PTPN23: variants seen among roughly 807,000 people sequenced by gnomAD.
The protein encoded by PTPN23 is tyrosine-protein phosphatase non-receptor type 23.
In PTPN23, 72 loss-of-function variants were observed where a neutral mutation model predicts 156.3. The observed-to-expected ratio is 0.46, with a 90% CI of 0.38 to 0.56. The LOEUF is 0.56. Ranked by LOEUF, PTPN23 falls within the 20% of genes least tolerant of loss-of-function variation. The pLI is 0.00. For missense variants in PTPN23, 1,974 were observed against 2,171.5 expected, an observed-to-expected ratio of 0.91 and a Z score of 1.81; for synonymous variants, 957 against 899.6, an observed-to-expected ratio of 1.06 and a Z score of -1.14.
chr3:47,398,627 A>G (rs1425250857), intron 2 of PTPN23, among the ~76,000 whole-genome samples: 1 of 150,294 alleles, frequency 6.7e-6, no homozygotes, highest in Non-Finnish European at 1.5e-5. Context: ...GTGCAGTGGC[A>G]CAATCACGGC....
chr3:47,412,630 G>A lies in PTPN23; in HGVS notation c.4431+3G>A. ...CCAGTGCAAGCATCAGCCAGAAGGT[G>A]AGGAAGGTTCCGTGGAAGCTGCTGG... On this transcript the variant is annotated splice_donor_region_variant and intron_variant, in intron 24 of 24. Coordinates refer to ENST00000265562, the MANE Select transcript of PTPN23 (RefSeq NM_015466.4). The A allele has an allele frequency of 6.2e-7, 1 of 1,612,420 alleles. No individual in the cohort carries two copies. The highest frequency in any genetic ancestry group is 1.1e-5 in the South Asian group (1 of 90,974).
intron 3 of PTPN23, 101 bp from the exon 4 acceptor site, chr3:47,404,904 G>A (rs1304220375): frequency 6.3e-7 from 1 of 1,584,470 alleles, no homozygotes; most frequent in African/African-American, 1.3e-5. Context: ...GTCCCCCCAG[G>A]CCTCCCCACA....
chr3:47,394,660 A>G (rs1236634406), intron 1 of PTPN23, among the ~76,000 whole-genome samples: 1 of 152,206 alleles, frequency 6.6e-6, no homozygotes, highest in African/African-American at 2.4e-5. Context: ...GTGCAGGGTC[A>G]TAAACTCTGT....
chr3:47,399,214 G>A (rs536476752), intron 2 of PTPN23, among the ~76,000 whole-genome samples: 1 of 152,202 alleles, frequency 6.6e-6, no homozygotes, highest in Non-Finnish European at 1.5e-5. Flanking sequence ...GCTCCCACAA[G>A]CTGCTCCTGG....
chr3:47,398,072 G>A (rs984376799), intron 2 of PTPN23, among the ~76,000 whole-genome samples: 1 of 151,070 alleles, frequency 6.6e-6, no homozygotes, highest in Non-Finnish European at 1.5e-5. Context: ...GAGGCAGGTG[G>A]ATCACTTGAA....
intron 1 of PTPN23, among the ~76,000 whole-genome samples, chr3:47,390,651 CTCTT>C (rs749865179): frequency 3.3e-5 from 5 of 152,176 alleles, no homozygotes; most frequent in South Asian, 4.1e-4. Context: ...TTCACCCAGC[CTCTT>C]TCTTCTTTTT....
rs752253301 is a variant in PTPN23 at position 47,406,590 on chromosome 3, A to G, written c.737A>G (p.Tyr246Cys). 4 of 1,613,880 alleles carry G rather than the reference A, an allele frequency of 2.5e-6. No homozygotes were observed. The highest frequency in any genetic ancestry group is 1.7e-5 in the Admixed American group (1 of 60,030). The change falls in exon 8 of 25, where the codon TAC becomes TGC. Residue 246 changes from tyrosine to cysteine, a missense_variant. Physicochemically the swap from Tyr to Cys is radical, Grantham distance 194 (BLOSUM62 -2). Transcript: ENST00000265562. The surrounding 1 kb of genome is among the most constrained non-coding windows in gnomAD (Gnocchi z 5.8). ...AAGAAACTTGTGCAGATGAAGATCT[A>G]CTACTTCGCAGCCGTGGCTCATGTG... ...DWKKLVQMKI[Y>C]YFAAVAHLHM...
Position 47,405,586 on chromosome 3 carries a change from C to A in PTPN23, c.365-163C>A, listed in dbSNP as rs2107714074. 1.4e-6 allele frequency: 1 copy of A among 701,826 alleles called. No homozygotes were observed. Among genetic ancestry groups the A allele is most frequent in the African/African-American group, 1.8e-5 (1 of 56,092 alleles). The allele number at this position is 701,826 out of a possible 1,614,324, so 43.5% of individuals were successfully genotyped here. On this transcript the variant is annotated intron_variant, in intron 4 of 24. Coordinates refer to ENST00000265562, the MANE Select transcript of PTPN23 (RefSeq NM_015466.4). The surrounding 1 kb of genome is among the most constrained non-coding windows in gnomAD (Gnocchi z 4.7). ...GGAGACTGAGGGCTGGGCAGGACTTCTGAGTTTCCCTGTTCCCTCCAGCTT... is the reference window on the plus strand; with the variant it reads ...GGAGACTGAGGGCTGGGCAGGACTTATGAGTTTCCCTGTTCCCTCCAGCTT...
At position 47,406,631 on chromosome 3, in the gene PTPN23, AGGGCG is replaced by A; in HGVS notation, c.759+24_759+28del. ...GGCTCATGTGAGGGCCTGGGGCCCC[AGGGCG>A]GGGCAGGGCGGGGCTGAGTGGCCAC... is the stretch of plus-strand genomic sequence containing the variant. On this transcript the variant is annotated intron_variant, in intron 8 of 24. Transcript: ENST00000265562. This position sits in a 1 kb window ranked among gnomAD's most constrained non-coding sequence, Gnocchi z 5.8. The A allele has an allele frequency of 6.2e-7, 1 of 1,613,624 alleles. No homozygotes were observed. The highest frequency in any genetic ancestry group is 1.1e-5 in the South Asian group (1 of 91,072).
Position 47,411,140 on chromosome 3 carries a change from C to T in PTPN23, c.3342C>T (p.Ala1114=), listed in dbSNP as rs575498086. The change falls in exon 20 of 25, where the codon GCC becomes GCT. Residue 1114 remains alanine (A), a synonymous_variant. Coordinates refer to ENST00000265562, the MANE Select transcript of PTPN23 (RefSeq NM_015466.4). This position sits in a 1 kb window ranked among gnomAD's most constrained non-coding sequence, Gnocchi z 6.3. ...CACCCCCTTGCCTGCGCCGAGGCGC[C>T]GCAGCTGCAGACCTGCTCTCCTCCA... ...AEPPPCLRRG[A]AAADLLSSSP... The T allele has an allele frequency of 2.5e-5, 40 of 1,600,918 alleles. No homozygotes were observed. The East Asian group carries it at 3.6e-4, about 15-fold the overall frequency.
At chr3:47,397,254 A>G (rs909973593) in intron 2 of PTPN23, among the ~76,000 whole-genome samples, 4 of 152,256 alleles carry the variant, frequency 2.6e-5, no homozygotes, top group African/African-American at 7.2e-5. Flanking sequence ...AATTACTAAA[A>G]TGTGACACAG....
chr3:47,400,803 A>G (rs542584947), intron 2 of PTPN23, among the ~76,000 whole-genome samples: 1 of 152,188 alleles, frequency 6.6e-6, no homozygotes, highest in South Asian at 2.1e-4. Flanking sequence ...CAAACTCTCA[A>G]CCTCAGGTGA....
Position 47,410,080 on chromosome 3 carries a change from C to G in PTPN23, c.2282C>G (p.Thr761Ser). 1 of 1,611,676 alleles carries G rather than the reference C, an allele frequency of 6.2e-7. No individual in the cohort carries two copies. The highest frequency in any genetic ancestry group is 8.5e-7 in the Non-Finnish European group (1 of 1,178,994). The change falls in exon 20 of 25, where the codon ACC becomes AGC. Residue 761 changes from threonine to serine, a missense_variant. Thr to Ser is a moderately conservative substitution (Grantham distance 58, BLOSUM62 1). Coordinates refer to ENST00000265562, the MANE Select transcript of PTPN23 (RefSeq NM_015466.4). ...GTGGCTGGCCCACGACTGCCTGACA[C>G]CTTCCTGGGAAGTGCCACCCCGCTC... ...DMVAGPRLPD[T>S]FLGSATPLHF...
chr3:47,400,463 T>G (rs1238371225), intron 2 of PTPN23, among the ~76,000 whole-genome samples: 1 of 152,266 alleles, frequency 6.6e-6, no homozygotes. Flanking sequence ...CACAGGGGGC[T>G]GCATTCTTGG....
chr3:47,396,089 A>T, intron 1 of PTPN23, 54 bp from the exon 2 acceptor site: 4 of 1,453,220 alleles, frequency 2.8e-6, no homozygotes, highest in Non-Finnish European at 2.9e-6. Flanking sequence ...CAGGACTCAG[A>T]GGGCAAGGCG....
rs1705117729 is a variant in PTPN23 at position 47,406,152 on chromosome 3, A to G, written c.546+106A>G. Reference sequence around the variant, plus strand: ...GGACCAAGGCAGTGAGGGACAAGCAAGGGGCCTTGGCTTTGTTGAATCAGG... The same window carrying G: ...GGACCAAGGCAGTGAGGGACAAGCAGGGGGCCTTGGCTTTGTTGAATCAGG... On this transcript the variant is annotated intron_variant, in intron 6 of 24. Coordinates refer to ENST00000265562, the MANE Select transcript of PTPN23 (RefSeq NM_015466.4). This position sits in a 1 kb window ranked among gnomAD's most constrained non-coding sequence, Gnocchi z 5.8. 6.6e-7 allele frequency: 1 copy of G among 1,519,860 alleles called. No homozygotes were observed. Among genetic ancestry groups the G allele is most frequent in the Non-Finnish European group, 8.9e-7 (1 of 1,126,268 alleles). 94.1% of individuals were successfully genotyped at this position (1,519,860 alleles called of 1,614,324 possible).
chr3:47,381,307 G>A, intron 1 of PTPN23, 127 bp downstream of exon 1: 1 of 1,328,978 alleles, frequency 7.5e-7, no homozygotes, highest in Non-Finnish European at 1.0e-6. Flanking sequence ...GCCAGGAGGG[G>A]CCTTCGCCGG....
At position 47,409,326 on chromosome 3, in the gene PTPN23, G is replaced by A. The variant is rs1391405695; in HGVS notation, c.1797+9G>A. 2 of 1,613,768 alleles carry A rather than the reference G, an allele frequency of 1.2e-6. No homozygotes were observed. Among genetic ancestry groups the A allele is most frequent in the Non-Finnish European group, 1.7e-6 (2 of 1,179,910 alleles). On this transcript the variant is annotated intron_variant, in intron 17 of 24. Transcript: ENST00000265562. ...ACCACTCAGAGATGAAGGTGGGCTG[G>A]GTGAGCAGGGTAGAGGGGCTCTGGC... is the stretch of plus-strand genomic sequence containing the variant.
intron 1 of PTPN23, among the ~76,000 whole-genome samples, chr3:47,383,616 GACCATA>G (rs773224113): frequency 2.0e-5 from 3 of 152,212 alleles, no homozygotes; most frequent in Non-Finnish European, 4.4e-5. Context: ...TAGAGATGGT[GACCATA>G]AATATATGGG....
Sources: gnomAD v4.1 joint callset for allele counts (sites outside exome capture counted in the v4.1 genomes callset) on GRCh38, gnomAD v4.1.1 for gene constraint, Gnocchi (gnomAD v3.1) non-coding constraint, MANE v1.5 for transcripts, NCBI Gene and HGNC (gene_info 2026-07-23, HGNC 2026-07-21) for gene names.